Variants in ZBTB7C observed in about 807,000 individuals in gnomAD.
ZBTB7C encodes zinc finger and BTB domain containing 7C, also known as zinc finger and BTB domain-containing protein 7C.
In ZBTB7C, 8 loss-of-function variants were observed where a neutral mutation model predicts 25.7. The ratio of observed to expected loss-of-function variants is 0.31; its 90% CI spans 0.18 to 0.56. The LOEUF (loss-of-function observed/expected upper bound fraction) is 0.56, where lower values mean the gene tolerates loss of function less well. ZBTB7C is among the 20% of genes least tolerant of loss of function. The pLI, the probability that ZBTB7C is intolerant of heterozygous loss-of-function variation, is 0.91. For missense variants in ZBTB7C, 824 were observed against 855.2 expected, an observed-to-expected ratio of 0.96 and a Z score of 0.46; for synonymous variants, 394 against 369.0, an observed-to-expected ratio of 1.07 and a Z score of -0.78.
At chr18:48,123,723 A>C (rs779646116) in intron 3 of ZBTB7C, among the ~76,000 whole-genome samples, 1 of 152,230 alleles carries the variant, frequency 6.6e-6, no homozygotes, top group Non-Finnish European at 1.5e-5. Context: ...TTCAGGGTTA[A>C]TTTTGTAGTT....
chr18:48,118,349 T>C (rs2039516215), intron 3 of ZBTB7C, among the ~76,000 whole-genome samples: 2 of 152,202 alleles, frequency 1.3e-5, no homozygotes, highest in African/African-American at 4.8e-5. Flanking sequence ...TTGCCACAGG[T>C]AATCATGTAT....
intron 2 of ZBTB7C, among the ~76,000 whole-genome samples, chr18:48,334,920 C>T (rs1171952871): frequency 1.3e-5 from 2 of 152,128 alleles, no homozygotes; most frequent in African/African-American, 4.8e-5. Context: ...TGGCTGGCAA[C>T]CCTCACTCCA....
chr18:48,372,298 C>T (rs751050765), intron 1 of ZBTB7C, among the ~76,000 whole-genome samples: 1 of 152,216 alleles, frequency 6.6e-6, no homozygotes, highest in African/African-American at 2.4e-5. Flanking sequence ...ACACATCAGA[C>T]TACTTATTTT....
rs1390819120 is a variant in ZBTB7C, at chr18:48,383,740, C to T, written c.-304+25486G>A. ...TCTGGCACGTTGTAGAAACAGCACA[C>T]AGCAGAGTTTGATCGGGGTTGTGGT... On this transcript the variant is annotated intron_variant, in intron 1 of 4. Coordinates refer to ENST00000590800, the MANE Select transcript of ZBTB7C (RefSeq NM_001318841.2). Among the ~76,000 whole-genome samples the T allele has an allele frequency of 2.0e-5, 3 of 152,104 alleles. No homozygotes were observed. In the East Asian group the frequency reaches 5.8e-4, roughly 29 times the overall value.
At chr18:48,363,991 A>G (rs1431334989) in intron 1 of ZBTB7C, among the ~76,000 whole-genome samples, 3 of 152,078 alleles carry the variant, frequency 2.0e-5, no homozygotes, top group Non-Finnish European at 4.4e-5. Flanking sequence ...GCCCAAAACC[A>G]GACCCACCCA....
At chr18:48,327,755 G>C (rs895579088) in intron 2 of ZBTB7C, among the ~76,000 whole-genome samples, 1 of 151,232 alleles carries the variant, frequency 6.6e-6, no homozygotes, top group African/African-American at 2.5e-5. Context: ...TATTGGAGGA[G>C]GAGGGGGGCA....
At chr18:48,036,729 G>C (rs369930873) in intron 4 of ZBTB7C, among the ~76,000 whole-genome samples, 6 of 152,156 alleles carry the variant, frequency 3.9e-5, no homozygotes, top group Non-Finnish European at 7.4e-5. Flanking sequence ...GGAATTCTGC[G>C]TCAACGAGGC....
At chr18:48,202,644 G>A (rs922907364) in intron 2 of ZBTB7C, among the ~76,000 whole-genome samples, 5 of 152,082 alleles carry the variant, frequency 3.3e-5, no homozygotes, top group African/African-American at 1.2e-4. Context: ...GGGGATGGGT[G>A]TACGGGGGAA....
intron 2 of ZBTB7C, among the ~76,000 whole-genome samples, chr18:48,315,201 G>A (rs1328164663): frequency 6.6e-6 from 1 of 152,170 alleles, no homozygotes; most frequent in Admixed American, 6.5e-5. Context: ...ACCCTGAGAG[G>A]ATCACCAGTT....
Position 48,073,278 on chromosome 18 carries a change from C to G in ZBTB7C, c.-16-32155G>C, listed in dbSNP as rs144488974. On this transcript the variant is annotated intron_variant, in intron 3 of 4. Transcript: ENST00000590800. ...TTTTTAAGTCTAGGGGAAAGAAACC[C>G]CACCCTCATTTAGGTCACAGAGACA... Among the ~76,000 whole-genome samples, 995 of 152,222 alleles carry G rather than the reference C, an allele frequency of 6.5e-3. 6 individuals carry two copies. The highest frequency in any genetic ancestry group is 0.02 in the Middle Eastern group (6 of 294).
intron 2 of ZBTB7C, among the ~76,000 whole-genome samples, chr18:48,220,838 C>A (rs2042932918): frequency 6.6e-6 from 1 of 152,104 alleles, no homozygotes; most frequent in African/African-American, 2.4e-5. Flanking sequence ...TCAAGTCACT[C>A]TCCCTTGCAC....
intron 1 of ZBTB7C, among the ~76,000 whole-genome samples, chr18:48,408,874 C>A (rs1057214959): frequency 6.6e-6 from 1 of 151,360 alleles, no homozygotes; most frequent in Non-Finnish European, 1.5e-5. Context: ...AGCCAGGAGG[C>A]GCGGCGCCCG....
At chr18:48,203,160 G>A (rs935580813) in intron 2 of ZBTB7C, among the ~76,000 whole-genome samples, 3 of 152,022 alleles carry the variant, frequency 2.0e-5, no homozygotes, top group African/African-American at 4.8e-5. Flanking sequence ...TTTTCTGCCC[G>A]GGGCCTCACT....
At chr18:48,291,321 G>C (rs1032380230) in intron 2 of ZBTB7C, among the ~76,000 whole-genome samples, 1 of 152,142 alleles carries the variant, frequency 6.6e-6, no homozygotes, top group Non-Finnish European at 1.5e-5. Flanking sequence ...CTACCTCTGG[G>C]GATATAAAAG....
chr18:48,376,481 G>A (rs983566411), intron 1 of ZBTB7C, among the ~76,000 whole-genome samples: 9 of 152,216 alleles, frequency 5.9e-5, no homozygotes, highest in Admixed American at 2.6e-4. Flanking sequence ...GAAGGTCTCC[G>A]GTTGCCTAAA....
chr18:48,379,650 A>C (rs1462172424), intron 1 of ZBTB7C, among the ~76,000 whole-genome samples: 1 of 152,180 alleles, frequency 6.6e-6, no homozygotes, highest in Non-Finnish European at 1.5e-5. Flanking sequence ...AAACCTTCAG[A>C]TCTATGAAAG....
intron 2 of ZBTB7C, among the ~76,000 whole-genome samples, chr18:48,311,876 C>T (rs1277118910): frequency 1.3e-5 from 2 of 152,192 alleles, no homozygotes; most frequent in African/African-American, 4.8e-5. Context: ...CCCAACAAGC[C>T]TGCTTTGATT....
At chr18:48,331,070 C>T (rs1036088781) in intron 2 of ZBTB7C, among the ~76,000 whole-genome samples, 2 of 152,102 alleles carry the variant, frequency 1.3e-5, no homozygotes, top group African/African-American at 4.8e-5. Context: ...GAACCTGAAC[C>T]ACTCATTTGT....
At chr18:48,279,961 G>C (rs1203764964) in intron 2 of ZBTB7C, among the ~76,000 whole-genome samples, 1 of 152,220 alleles carries the variant, frequency 6.6e-6, no homozygotes, top group Non-Finnish European at 1.5e-5. Context: ...AGAGGAAATA[G>C]GTAGGATGCA....
Sources: gnomAD v4.1 joint callset for allele counts (sites outside exome capture counted in the v4.1 genomes callset) on GRCh38, gnomAD v4.1.1 for gene constraint, MANE v1.5 for transcripts, NCBI Gene and HGNC (gene_info 2026-07-23, HGNC 2026-07-21) for gene names.